The following FAF1 variants were observed in gnomAD, a reference collection of about 807,000 sequenced individuals.
The protein encoded by FAF1 is Fas associated factor 1.
FAF1 carries 25 observed loss-of-function variants against 92.5 expected under a neutral mutation model. That is an observed-to-expected ratio of 0.27 (90% CI 0.20 to 0.38). The LOEUF is 0.38. Ranked by LOEUF, FAF1 falls within the 10% of genes least tolerant of loss-of-function variation. The probability of loss-of-function intolerance (pLI) is 1.00; values close to 1 mark genes in which losing one functional copy is unlikely to be tolerated. For synonymous variants in FAF1, 234 were observed against 273.2 expected (o/e 0.86, Z 1.42); for missense variants, 636 against 793.3 (o/e 0.80, Z 2.38).
intron 2 of FAF1, among the ~76,000 whole-genome samples, chr1:50,808,684 T>A (rs1324592708): frequency 1.3e-5 from 2 of 151,896 alleles, no homozygotes. Flanking sequence ...CTTTTCTCCC[T>A]AACACTGCTT....
At chr1:50,920,640 A>AT (rs1195740293) in intron 1 of FAF1, among the ~76,000 whole-genome samples, 1 of 152,232 alleles carries the variant, frequency 6.6e-6, no homozygotes, top group East Asian at 1.9e-4. Context: ...AATCAGTATA[A>AT]TTTACCATAT....
chr1:50,634,097 A>G (rs1465947651), intron 8 of FAF1, among the ~76,000 whole-genome samples: 1 of 152,196 alleles, frequency 6.6e-6, no homozygotes. Flanking sequence ...GCAACAATTG[A>G]TTTGACTGTT....
intron 8 of FAF1, among the ~76,000 whole-genome samples, chr1:50,638,445 CTTTTTTT>C (rs35054798): frequency 2.3e-5 from 3 of 131,628 alleles, no homozygotes; most frequent in African/African-American, 2.9e-5. Flanking sequence ...TTTTCTTTTT[CTTTTTTT>C]TTTTTTTTTT....
At chr1:50,898,319 A>C (rs1224116400) in intron 1 of FAF1, among the ~76,000 whole-genome samples, 2 of 152,170 alleles carry the variant, frequency 1.3e-5, no homozygotes, top group Non-Finnish European at 2.9e-5. Context: ...CCACCTCTTG[A>C]AAAACAACAA....
chr1:50,819,794 T>C lies in FAF1; in HGVS notation c.115-18117A>G, dbSNP rs1425297075. ...ATATATATACATATATATACATATA[T>C]ATATATACATATATATATATATATA... is the stretch of plus-strand genomic sequence containing the variant. On this transcript the variant is annotated intron_variant, in intron 2 of 18. Transcript: ENST00000396153. 4.5e-4 allele frequency among the ~76,000 whole-genome samples: 51 copies of C among 114,448 alleles called. 4 individuals are homozygous for C. The highest frequency in any genetic ancestry group is 1.6e-3 in the African/African-American group (50 of 31,096). The allele number at this position is 114,448 out of a possible 152,430, so 75.1% of individuals were successfully genotyped here. A position where few individuals can be genotyped will look rare whatever the true frequency, so the allele number is the denominator to read the frequency against.
intron 1 of FAF1, among the ~76,000 whole-genome samples, chr1:50,883,166 CT>C (rs1032038988): frequency 6.6e-6 from 1 of 151,878 alleles, no homozygotes; most frequent in African/African-American, 2.4e-5. Context: ...CAAAACAACA[CT>C]GGGCAACTAA....
Position 50,947,683 on chromosome 1 carries a change from A to G in FAF1, c.45+12084T>C, listed in dbSNP as rs550647203. Among the ~76,000 whole-genome samples, 7 of 152,378 alleles carry G rather than the reference A, an allele frequency of 4.6e-5. No individual in the cohort carries two copies. In the East Asian group the frequency reaches 1.2e-3, roughly 25 times the overall value. ...TTCTTGGCCTCAAGGCCTATATTTT[A>G]TCACATCTTATTGAGCCCCTCAATA... is the stretch of plus-strand genomic sequence containing the variant. On this transcript the variant is annotated intron_variant, in intron 1 of 18. Transcript: ENST00000396153.
intron 8 of FAF1, among the ~76,000 whole-genome samples, chr1:50,635,399 T>C (rs1653964810): frequency 6.6e-6 from 1 of 152,178 alleles, no homozygotes; most frequent in South Asian, 2.1e-4. Context: ...TTTAGCACAC[T>C]GTCCTACTCC....
intron 15 of FAF1, among the ~76,000 whole-genome samples, chr1:50,492,439 ATC>A (rs1476526496): frequency 6.6e-6 from 1 of 152,156 alleles, no homozygotes; most frequent in Non-Finnish European, 1.5e-5. Flanking sequence ...TAAGTTGAAA[ATC>A]TCTTAGAATA....
chr1:50,685,384 T>C (rs977141280), intron 7 of FAF1, among the ~76,000 whole-genome samples: 2 of 152,202 alleles, frequency 1.3e-5, no homozygotes, highest in African/African-American at 4.8e-5. Flanking sequence ...AGAGTCCGTG[T>C]AGCGAGATAG....
chr1:50,521,423 G>T (rs1429631959), intron 15 of FAF1, among the ~76,000 whole-genome samples: 1 of 152,142 alleles, frequency 6.6e-6, no homozygotes, highest in Non-Finnish European at 1.5e-5. Flanking sequence ...CTTTTTAAAA[G>T]AATCTGTATA....
At chr1:50,648,016 T>C (rs1176431103) in intron 8 of FAF1, among the ~76,000 whole-genome samples, 3 of 152,120 alleles carry the variant, frequency 2.0e-5, no homozygotes, top group African/African-American at 7.2e-5. Flanking sequence ...CCTGGCACTT[T>C]GGGAGGCCGA....
At chr1:50,687,216 G>A (rs1250186709) in intron 7 of FAF1, among the ~76,000 whole-genome samples, 1 of 152,038 alleles carries the variant, frequency 6.6e-6, no homozygotes, top group African/African-American at 2.4e-5. Flanking sequence ...TATTTTGTAT[G>A]TGTAGCTGTC....
chr1:50,841,751 T>C (rs943487873), intron 2 of FAF1, among the ~76,000 whole-genome samples: 2 of 152,066 alleles, frequency 1.3e-5, no homozygotes. Flanking sequence ...AGCCAGATAG[T>C]AAAATTTTTT....
intron 4 of FAF1, among the ~76,000 whole-genome samples, chr1:50,759,533 T>C (rs1398308517): frequency 1.3e-5 from 2 of 152,094 alleles, no homozygotes; most frequent in Non-Finnish European, 2.9e-5. Context: ...TGCCACATTT[T>C]CTTAATCCAG....
At chr1:50,795,768 C>T (rs969849779) in intron 3 of FAF1, among the ~76,000 whole-genome samples, 52 of 152,294 alleles carry the variant, frequency 3.4e-4, no homozygotes, top group African/African-American at 1.3e-3. Flanking sequence ...ATTTCCACAA[C>T]ACTTCCATTG....
intron 4 of FAF1, 90 bp downstream of exon 4, chr1:50,787,910 A>T: frequency 9.3e-7 from 1 of 1,073,732 alleles, no homozygotes; most frequent in Non-Finnish European, 1.4e-6. Flanking sequence ...CCCTTCTTGC[A>T]CTGGTAGTCA....
chr1:50,543,321 C>T (rs1188466049), intron 13 of FAF1, among the ~76,000 whole-genome samples: 1 of 152,064 alleles, frequency 6.6e-6, no homozygotes, highest in African/African-American at 2.4e-5. Context: ...TCCACAAATG[C>T]TCACTGCCTA....
In FAF1 at chr1:50,867,337, A is replaced by C. The variant is rs115177415; in HGVS notation, c.46-9340T>G. ...AACAAAATCCAAGATAAATAGATGA[A>C]ACTTAACTAAACTCAAAAGCTTCTG... is the stretch of plus-strand genomic sequence containing the variant. On this transcript the variant is annotated intron_variant, in intron 1 of 18. Transcript: ENST00000396153. Among the ~76,000 whole-genome samples, 1,503 of 152,198 alleles carry C rather than the reference A, an allele frequency of 9.9e-3. 22 individuals are homozygous for C. Among genetic ancestry groups the C allele is most frequent in the African/African-American group, 0.034 (1,426 of 41,554 alleles).
Sources: allele counts gnomAD v4.1 joint callset (sites outside exome capture counted in the v4.1 genomes callset), GRCh38; gene constraint gnomAD v4.1.1; transcripts MANE v1.5; gene names NCBI Gene and HGNC (gene_info 2026-07-23, HGNC 2026-07-21).